Variants in MINPP1 observed in about 807,000 individuals in gnomAD.
MINPP1 encodes the protein multiple inositol-polyphosphate phosphatase 1, also known as multiple inositol polyphosphate phosphatase 1.
MINPP1 carries 28 observed loss-of-function variants against 46.1 expected under a neutral mutation model. The observed-to-expected ratio is 0.61, with a 90% confidence interval of 0.45 to 0.83. MINPP1 has a LOEUF of 0.83. Among genes scored for constraint, MINPP1 ranks in the 40% least tolerant of loss-of-function variants. MINPP1 has a pLI of 0.00. For missense variants in MINPP1, 603 were observed against 610.0 expected (o/e 0.99, Z 0.12); for synonymous variants, 268 against 249.1 (o/e 1.08, Z -0.72).
chr10:87,540,019 A>G (rs1851791556), intron 4 of MINPP1, among the ~76,000 whole-genome samples: 2 of 152,208 alleles, frequency 1.3e-5, no homozygotes, highest in African/African-American at 4.8e-5. Context: ...GGCATGCGCC[A>G]CAGCGCCTGG....
chr10:87,529,437 G>C (rs1360568611), intron 4 of MINPP1, among the ~76,000 whole-genome samples: 1 of 152,124 alleles, frequency 6.6e-6, no homozygotes, highest in Non-Finnish European at 1.5e-5. Context: ...TTGCTTGTCT[G>C]TAAAGGATTT....
intron 4 of MINPP1, among the ~76,000 whole-genome samples, chr10:87,548,614 T>C (rs1335673556): frequency 6.6e-6 from 1 of 152,104 alleles, no homozygotes; most frequent in East Asian, 1.9e-4. Flanking sequence ...TACTTTCCAT[T>C]ATCACAAACT....
intron 4 of MINPP1, among the ~76,000 whole-genome samples, chr10:87,523,745 T>G (rs1170344925): frequency 6.6e-6 from 1 of 152,176 alleles, no homozygotes; most frequent in Non-Finnish European, 1.5e-5. Context: ...TAGATTTTGT[T>G]TTAGCAGACA....
intron 4 of MINPP1, among the ~76,000 whole-genome samples, chr10:87,527,014 G>T (rs1194655582): frequency 6.6e-6 from 1 of 152,174 alleles, no homozygotes; most frequent in African/African-American, 2.4e-5. Flanking sequence ...GCTTAGGATT[G>T]TCTTGGCAAT....
Position 87,540,939 on chromosome 10 carries a change from T to C in MINPP1, c.1068-11143T>C, listed in dbSNP as rs569824904. Among the ~76,000 whole-genome samples, 3 of 152,342 alleles carry C rather than the reference T, an allele frequency of 2.0e-5. No individual in the cohort carries two copies. In the South Asian group the frequency reaches 6.2e-4, roughly 32 times the overall value. On this transcript the variant is annotated intron_variant, in intron 4 of 4. Transcript: ENST00000371996. ...ATTGGATCATAAATAAATACTTTTG[T>C]GAATTTGTTTTTCGGTGTTTAAAAG... is the stretch of plus-strand genomic sequence containing the variant.
At chr10:87,537,046 C>A (rs2131832473) in intron 4 of MINPP1, among the ~76,000 whole-genome samples, 1 of 152,258 alleles carries the variant, frequency 6.6e-6, no homozygotes, top group South Asian at 2.1e-4. Context: ...AAGCAGTTCT[C>A]CTGGCTCAGC....
At chr10:87,533,610 G>T (rs1162620994) in intron 4 of MINPP1, among the ~76,000 whole-genome samples, 1 of 151,930 alleles carries the variant, frequency 6.6e-6, no homozygotes, top group African/African-American at 2.4e-5. Flanking sequence ...TTTATTTTGG[G>T]TCTATAATTA....
At chr10:87,531,200 A>C (rs959671418) in intron 4 of MINPP1, among the ~76,000 whole-genome samples, 2 of 152,172 alleles carry the variant, frequency 1.3e-5, no homozygotes, top group Non-Finnish European at 2.9e-5. Context: ...CGTGGGCTAC[A>C]CCCACTGTCT....
Position 87,505,243 on chromosome 10 carries a change from C to G in MINPP1, c.328C>G (p.Gln110Glu). The G allele has an allele frequency of 6.2e-7, 1 of 1,612,528 alleles. No individual in the cohort carries two copies. Among genetic ancestry groups the G allele is most frequent in the Non-Finnish European group, 8.5e-7 (1 of 1,179,140 alleles). Residue 110 changes from glutamine to glutamate, a missense_variant, in exon 1 of 5, where the codon CAG becomes GAG. Physicochemically the swap from Gln to Glu is conservative, Grantham distance 29. This residue lies in a region of MINPP1 where 239 missense variants were observed against 189.4 expected (regional missense o/e 1.26). Transcript: ENST00000371996. This position sits in a 1 kb window ranked among gnomAD's most constrained non-coding sequence, Gnocchi z 4.4. ...GCTGAGGCAGCTGCACGGGTTGCTG[C>G]AGGCCCGCGGGTCCAGGGATGGCGG... Reference protein sequence around the residue: ...RKLRQLHGLLQARGSRDGGAS... With the variant: ...RKLRQLHGLLEARGSRDGGAS...
chr10:87,534,666 C>T (rs1267420944), intron 4 of MINPP1, among the ~76,000 whole-genome samples: 2 of 152,064 alleles, frequency 1.3e-5, no homozygotes, highest in African/African-American at 2.4e-5. Flanking sequence ...ACAGTAGAAC[C>T]GGAAGGCAAA....
At chr10:87,542,845 G>T (rs1420044991) in intron 4 of MINPP1, among the ~76,000 whole-genome samples, 2 of 152,160 alleles carry the variant, frequency 1.3e-5, no homozygotes, top group Admixed American at 6.5e-5. Flanking sequence ...TGGTACCAAG[G>T]CATGGGGCAC....
In MINPP1 at chr10:87,549,944, G is replaced by A. The variant is rs540626556; in HGVS notation, c.1068-2138G>A. ...TATTTAGATGGTGACAGTAGTGTTA[G>A]TTTAGACTTGAATATACTCAGATGT... On this transcript the variant is annotated intron_variant, in intron 4 of 4. Transcript: ENST00000371996. Among the ~76,000 whole-genome samples the A allele has an allele frequency of 2.0e-5, 3 of 152,282 alleles. No individual in the cohort carries two copies. The South Asian group carries it at 6.2e-4, about 32-fold the overall frequency.
At chr10:87,543,207 G>A (rs1445568647) in intron 4 of MINPP1, among the ~76,000 whole-genome samples, 1 of 152,174 alleles carries the variant, frequency 6.6e-6, no homozygotes, top group East Asian at 1.9e-4. Flanking sequence ...TCTAATATGG[G>A]AGCAAAGAAA....
At chr10:87,510,671 G>A (rs929991189) in intron 2 of MINPP1, among the ~76,000 whole-genome samples, 1 of 152,188 alleles carries the variant, frequency 6.6e-6, no homozygotes, top group African/African-American at 2.4e-5. Context: ...AAGGTGGGTG[G>A]ATCACTGGAG....
At chr10:87,512,443 C>T (rs1483201337) in intron 2 of MINPP1, among the ~76,000 whole-genome samples, 1 of 152,114 alleles carries the variant, frequency 6.6e-6, no homozygotes, top group Non-Finnish European at 1.5e-5. Flanking sequence ...CCCTCACTTA[C>T]CTTGCACTTC....
chr10:87,535,191 A>G (rs1057189446), intron 4 of MINPP1, among the ~76,000 whole-genome samples: 1 of 152,244 alleles, frequency 6.6e-6, no homozygotes, highest in Non-Finnish European at 1.5e-5. Context: ...TGGAATTTGC[A>G]TTGGCATAGG....
In MINPP1 at chr10:87,553,384, C is replaced by G. The variant is rs1228087995; in HGVS notation, c.*906C>G. 6.6e-6 allele frequency: 1 copy of G among 152,018 alleles called. No homozygotes were observed. The highest frequency in any genetic ancestry group is 6.6e-5 in the Admixed American group (1 of 15,240). 9.4% of individuals were successfully genotyped at this position (152,018 alleles called of 1,614,324 possible). On this transcript the variant is annotated 3_prime_UTR_variant, in exon 5 of 5. Transcript: ENST00000371996. ...GCTATAATAAAGAAAATTCTTGTGA[C>G]TTTACTACCAGGACTTTTCTCTTCC...
Position 87,552,690 on chromosome 10 carries a change from C to T in MINPP1, c.*212C>T. On this transcript the variant is annotated 3_prime_UTR_variant, in exon 5 of 5. Transcript: ENST00000371996. The stretch of plus-strand genomic sequence containing the variant: ...GCAGCTCTCTTAAGGAGAAACAAAT[C>T]TATTTAGAGAAACAGCTGGCCCTGC... 1 of 539,604 alleles carries T rather than the reference C, an allele frequency of 1.9e-6. No homozygotes were observed. The allele number at this position is 539,604 out of a possible 1,614,324, so 33.4% of individuals were successfully genotyped here.
At chr10:87,543,940 A>C (rs1197690326) in intron 4 of MINPP1, among the ~76,000 whole-genome samples, 1 of 152,196 alleles carries the variant, frequency 6.6e-6, no homozygotes, top group Non-Finnish European at 1.5e-5. Flanking sequence ...CATCCAAACT[A>C]TATCAACTTC....
Sources: allele counts gnomAD v4.1 joint callset (sites outside exome capture counted in the v4.1 genomes callset), GRCh38; gene constraint gnomAD v4.1.1; regional missense constraint gnomAD v4.1.1; non-coding constraint Gnocchi (gnomAD v3.1); transcripts MANE v1.5; gene names NCBI Gene and HGNC (gene_info 2026-07-23, HGNC 2026-07-21).